ADRA1B: variants seen among roughly 807,000 people sequenced by gnomAD.
ADRA1B encodes adrenoceptor alpha 1B.
Under a neutral mutation model 17.9 loss-of-function variants are expected in ADRA1B, and 17 were observed. That is an observed-to-expected ratio of 0.95 (90% confidence interval 0.65 to 1.42). ADRA1B has a LOEUF of 1.42. Ranked by LOEUF, ADRA1B falls within the 40% of genes most tolerant of loss-of-function variation. ADRA1B has a pLI of 0.00. For synonymous variants in ADRA1B, 366 were observed against 327.6 expected, an observed-to-expected ratio of 1.12 and a Z score of -1.27; for missense variants, 681 against 722.1, an observed-to-expected ratio of 0.94 and a Z score of 0.65.
At chr5:159,889,889 A>C (rs150658656) in intron 1 of ADRA1B, among the ~76,000 whole-genome samples, 18 of 152,328 alleles carry the variant, frequency 1.2e-4, no homozygotes, top group African/African-American at 4.3e-4. Context: ...ATAACCAGAG[A>C]TCTTCCTTCT....
intron 1 of ADRA1B, among the ~76,000 whole-genome samples, chr5:159,944,711 TG>T (rs910424881): frequency 1.4e-5 from 2 of 146,412 alleles, no homozygotes; most frequent in African/African-American, 5.1e-5. Context: ...CTGGGGGAGA[TG>T]GGGGGTTGGG....
At chr5:159,976,479 C>T (rs78692023), downstream of ADRA1B, among the ~76,000 whole-genome samples, 4,911 of 152,006 alleles carry the variant, frequency 0.032, 101 homozygotes, top group Middle Eastern at 0.085. Flanking sequence ...AACAGCCTGG[C>T]CTACATGTGA....
intron 1 of ADRA1B, among the ~76,000 whole-genome samples, chr5:159,943,912 T>TCTCACA (rs1187774879): frequency 6.8e-6 from 1 of 147,442 alleles, no homozygotes; most frequent in Admixed American, 6.8e-5. Context: ...TCTGTCTCTC[T>TCTCACA]CACACACACA....
intron 1 of ADRA1B, chr5:159,947,780 T>A: frequency 1.0e-6 from 1 of 985,428 alleles, no homozygotes; most frequent in Non-Finnish European, 1.2e-6. Context: ...CTCTCCAGCC[T>A]AGAGTCTGGC....
intron 1 of ADRA1B, among the ~76,000 whole-genome samples, chr5:159,894,880 C>T (rs1021783145): frequency 6.6e-6 from 1 of 152,138 alleles, no homozygotes; most frequent in African/African-American, 2.4e-5. Flanking sequence ...GCCAGCATTC[C>T]CTATGCTCCT....
At chr5:159,941,192 G>T (rs1440299684) in intron 1 of ADRA1B, among the ~76,000 whole-genome samples, 3 of 152,178 alleles carry the variant, frequency 2.0e-5, no homozygotes, top group Non-Finnish European at 2.9e-5. Flanking sequence ...TAAAAATGCA[G>T]TTCCTTGGCC....
downstream of ADRA1B, among the ~76,000 whole-genome samples, chr5:159,973,505 C>G (rs571714431): frequency 1.4e-4 from 21 of 152,294 alleles, no homozygotes; most frequent in South Asian, 2.7e-3. Flanking sequence ...CCTTTGCATT[C>G]CCAGGCCAGC....
chr5:159,895,243 G>T (rs1754029691), intron 1 of ADRA1B, among the ~76,000 whole-genome samples: 1 of 152,158 alleles, frequency 6.6e-6, no homozygotes, highest in South Asian at 2.1e-4. Context: ...TGGCAGCAAG[G>T]ATCACATGGA....
intron 1 of ADRA1B, among the ~76,000 whole-genome samples, chr5:159,876,060 A>G (rs979123422): frequency 5.3e-5 from 8 of 151,978 alleles, no homozygotes; most frequent in African/African-American, 1.7e-4. Context: ...ATGGTGGTGC[A>G]TACCTGTAAT....
chr5:159,906,583 G>T (rs1260376844), intron 1 of ADRA1B, among the ~76,000 whole-genome samples: 3 of 152,198 alleles, frequency 2.0e-5, no homozygotes, highest in African/African-American at 7.2e-5. Context: ...TGCTCTAGAT[G>T]ACTTTTATTC....
intron 1 of ADRA1B, among the ~76,000 whole-genome samples, chr5:159,902,050 A>T (rs1288956015): frequency 6.6e-6 from 1 of 152,242 alleles, no homozygotes; most frequent in East Asian, 1.9e-4. Flanking sequence ...TTATGCACCC[A>T]TGTTTGCTGC....
chr5:159,886,742 G>A (rs1740548347), intron 1 of ADRA1B, among the ~76,000 whole-genome samples: 1 of 152,024 alleles, frequency 6.6e-6, no homozygotes, highest in South Asian at 2.1e-4. Context: ...GGAGTGTTGT[G>A]GTTATGAGCA....
intron 1 of ADRA1B, among the ~76,000 whole-genome samples, chr5:159,943,322 C>G (rs1755184650): frequency 6.6e-6 from 1 of 152,086 alleles, no homozygotes; most frequent in Non-Finnish European, 1.5e-5. Context: ...TATAAACTAC[C>G]TAACTATAAT....
chr5:159,955,374 G>T (rs1274832444), intron 1 of ADRA1B, among the ~76,000 whole-genome samples: 1 of 152,140 alleles, frequency 6.6e-6, no homozygotes, highest in African/African-American at 2.4e-5. Context: ...GAAAAGTTTT[G>T]ATGCACACCA....
At position 159,971,980 on chromosome 5, in the gene ADRA1B, T is replaced by A. The variant is rs777674763; in HGVS notation, c.1051T>A (p.Ser351Thr). The A allele has an allele frequency of 1.4e-6, 2 of 1,456,642 alleles. No homozygotes were observed. The highest frequency in any genetic ancestry group is 2.1e-5 in the Admixed American group (1 of 48,646). The allele number at this position is 1,456,642 out of a possible 1,614,324, so 90.2% of individuals were successfully genotyped here. ...CCTCAACCCCATCATCTACCCATGC[T>A]CCAGCAAGGAGTTCAAGCGCGCTTT... Reference protein sequence around the residue: ...SCLNPIIYPCSSKEFKRAFVR... With the variant: ...SCLNPIIYPCTSKEFKRAFVR... The change falls in exon 2 of 2, where the codon TCC becomes ACC. Residue 351 changes from serine to threonine, a missense_variant. This residue lies in a region of ADRA1B where 424 missense variants were observed against 480.2 expected (regional missense o/e 0.88). Coordinates refer to ENST00000306675, the MANE Select transcript of ADRA1B (RefSeq NM_000679.4).
intron 1 of ADRA1B, among the ~76,000 whole-genome samples, chr5:159,907,875 C>T (rs998679461): frequency 6.6e-6 from 1 of 151,966 alleles, no homozygotes; most frequent in Admixed American, 6.6e-5. Context: ...TAAGCTACTT[C>T]CTTAGGGCTA....
chr5:159,904,494 CA>C (rs950572536), intron 1 of ADRA1B, among the ~76,000 whole-genome samples: 11 of 152,222 alleles, frequency 7.2e-5, no homozygotes, highest in African/African-American at 2.4e-4. Context: ...AGTTTCCTCA[CA>C]AATCGTGTGT....
At chr5:159,885,513 A>C (rs1282646038) in intron 1 of ADRA1B, among the ~76,000 whole-genome samples, 4 of 152,204 alleles carry the variant, frequency 2.6e-5, no homozygotes, top group Admixed American at 6.5e-5. Context: ...CTCAGAAGAG[A>C]CATCATTCTT....
chr5:159,919,283 GC>G (rs138764768), intron 1 of ADRA1B, among the ~76,000 whole-genome samples: 3,992 of 152,292 alleles, frequency 0.026, 80 homozygotes, highest in Non-Finnish European at 0.036. Flanking sequence ...AGGGAAGCTT[GC>G]TTTTCTTTCC....
Sources: allele counts gnomAD v4.1 joint callset (sites outside exome capture counted in the v4.1 genomes callset), GRCh38; gene constraint gnomAD v4.1.1; regional missense constraint gnomAD v4.1.1; transcripts MANE v1.5; gene names NCBI Gene and HGNC (gene_info 2026-07-23, HGNC 2026-07-21).